The following TRIM35 variants were observed in gnomAD, a reference collection of about 807,000 sequenced individuals.
TRIM35 encodes the protein E3 ubiquitin-protein ligase TRIM35.
In TRIM35, 37 loss-of-function variants were observed where a neutral mutation model predicts 49.1. That is an observed-to-expected ratio of 0.75 (90% confidence interval 0.58 to 0.99). The LOEUF (loss-of-function observed/expected upper bound fraction) is 0.99. TRIM35 is among the 50% of genes least tolerant of loss of function. The pLI is 0.00. For missense variants in TRIM35, 648 were observed against 702.7 expected, an observed-to-expected ratio of 0.92 and a Z score of 0.88; for synonymous variants, 302 against 289.3, an observed-to-expected ratio of 1.04 and a Z score of -0.45.
Position 27,286,304 on chromosome 8 carries a change from T to C in TRIM35, c.*1246A>G. ...GAAATCGCAAGTGGCAGAGCAAGCATGACCAGGCTGAAGTCAGCAGAGACA... is the reference window on the plus strand; with the variant it reads ...GAAATCGCAAGTGGCAGAGCAAGCACGACCAGGCTGAAGTCAGCAGAGACA... On this transcript the variant is annotated 3_prime_UTR_variant, in exon 6 of 6. Coordinates refer to ENST00000305364, the MANE Select transcript of TRIM35 (RefSeq NM_171982.5). 1 of 403,428 alleles carries C rather than the reference T, an allele frequency of 2.5e-6. No individual in the cohort carries two copies. The highest frequency in any genetic ancestry group is 7.1e-5 in the East Asian group (1 of 14,012). 25.0% of individuals were successfully genotyped at this position (403,428 alleles called of 1,614,324 possible).
chr8:27,297,436 G>C (rs987193852), intron 2 of TRIM35, among the ~76,000 whole-genome samples: 7 of 152,192 alleles, frequency 4.6e-5, no homozygotes, highest in Middle Eastern at 3.2e-3. Context: ...CCAGAATGGG[G>C]ACAGAGGGAG....
chr8:27,288,358 T>C (rs1468499586), intron 5 of TRIM35, among the ~76,000 whole-genome samples: 1 of 152,026 alleles, frequency 6.6e-6, no homozygotes, highest in African/African-American at 2.4e-5. Flanking sequence ...AATGGGGTGG[T>C]TGTACACATA....
Position 27,294,130 on chromosome 8 carries a change from T to C in TRIM35, c.712A>G (p.Ile238Val), listed in dbSNP as rs759715669. ...TTCATCTCCATCTGCAGCCGCTCGA[T>C]CTCATGTGCCAGCACCTCCGTCTCC... ...TEETEVLAHEIERLQMEMKED... is the reference protein window; with the variant it reads ...TEETEVLAHEVERLQMEMKED... Residue 238 changes from isoleucine (I) to valine (V), a missense_variant, in exon 3 of 6, where the codon ATC (isoleucine) becomes GTC (valine). Ile to Val is a conservative substitution (Grantham distance 29). Transcript: ENST00000305364. 9 of 1,614,242 alleles carry C rather than the reference T, an allele frequency of 5.6e-6. No homozygotes were observed. Among genetic ancestry groups the C allele is most frequent in the Admixed American group, 1.7e-5 (1 of 60,032 alleles).
At chr8:27,299,096 T>C (rs1802632933) in intron 1 of TRIM35, among the ~76,000 whole-genome samples, 2 of 152,148 alleles carry the variant, frequency 1.3e-5, no homozygotes, top group African/African-American at 4.8e-5. Flanking sequence ...TGCCCCTCCA[T>C]ACCCCTCCTG....
chr8:27,293,623 TG>T (rs1802500123), intron 3 of TRIM35, among the ~76,000 whole-genome samples: 1 of 151,996 alleles, frequency 6.6e-6, no homozygotes, highest in South Asian at 2.1e-4. Flanking sequence ...AAGCATCACT[TG>T]AGGCCAGGGA....
intron 3 of TRIM35, 78 bp from the exon 4 acceptor site, chr8:27,290,256 G>A (rs1045017842): frequency 1.9e-5 from 26 of 1,387,042 alleles, no homozygotes; most frequent in Non-Finnish European, 2.7e-5. Flanking sequence ...CTCAAAAGAA[G>A]TCATGCATTC....
At chr8:27,289,666 C>T (rs1200243056) in intron 4 of TRIM35, among the ~76,000 whole-genome samples, 1 of 152,214 alleles carries the variant, frequency 6.6e-6, no homozygotes, top group East Asian at 1.9e-4. Context: ...TTTGCTTGCA[C>T]ACTGCCAGTG....
chr8:27,293,514 A>G (rs1563439084), intron 3 of TRIM35, among the ~76,000 whole-genome samples: 1 of 152,110 alleles, frequency 6.6e-6, no homozygotes, highest in South Asian at 2.1e-4. Flanking sequence ...CGGAAAAAAA[A>G]TGAGAGTAAG....
chr8:27,292,880 G>C (rs147362990), intron 3 of TRIM35, among the ~76,000 whole-genome samples: 12 of 152,192 alleles, frequency 7.9e-5, no homozygotes, highest in Non-Finnish European at 1.6e-4. Flanking sequence ...AAATAAAAAA[G>C]AGTCACAAAC....
chr8:27,305,257 T>C (rs1231456216), intron 1 of TRIM35, among the ~76,000 whole-genome samples: 1 of 152,198 alleles, frequency 6.6e-6, no homozygotes, highest in Non-Finnish European at 1.5e-5. Flanking sequence ...ACAGTAAAAA[T>C]GCATGGAGCT....
rs773510168 is a variant in TRIM35 at position 27,298,576 on chromosome 8, A to G, written c.436-17T>C. On this transcript the variant is annotated splice_polypyrimidine_tract_variant and intron_variant, in intron 1 of 5. Transcript: ENST00000305364. ...GCACTTGGCCTGACATGGGAATGAGAGAGAGGGAGGAAGACAGGTTAGGGC... is the reference window on the plus strand; with the variant it reads ...GCACTTGGCCTGACATGGGAATGAGGGAGAGGGAGGAAGACAGGTTAGGGC... 1 of 1,611,172 alleles carries G rather than the reference A, an allele frequency of 6.2e-7. No individual in the cohort carries two copies. The highest frequency in any genetic ancestry group is 8.5e-7 in the Non-Finnish European group (1 of 1,177,286).
At chr8:27,290,368 C>G (rs535075921) in intron 3 of TRIM35, among the ~76,000 whole-genome samples, 190 bp from the exon 4 acceptor site, 1 of 152,242 alleles carries the variant, frequency 6.6e-6, no homozygotes, top group East Asian at 1.9e-4. Flanking sequence ...ACTGAATCCC[C>G]AATGCGACAG....
chr8:27,301,343 G>A (rs993343706), intron 1 of TRIM35, among the ~76,000 whole-genome samples: 3 of 152,188 alleles, frequency 2.0e-5, no homozygotes, highest in African/African-American at 7.2e-5. Context: ...GGACACATGG[G>A]AACTCGTTTC....
chr8:27,289,070 G>A, intron 5 of TRIM35, 92 bp downstream of exon 5: 1 of 975,148 alleles, frequency 1.0e-6, no homozygotes, highest in South Asian at 1.5e-5. Context: ...GGAGGTGGGA[G>A]GTGGGCCCGG....
In TRIM35 at chr8:27,287,876, G is replaced by T; in HGVS notation, c.1156C>A (p.His386Asn). ...RQDSGAEGHS[H>N]SCYHDTRSGF... ...GAGCGTGTGTCGTGGTAGCAGCTGT[G>T]TGAGTGGCCCTCAGCGCCCGAGTCC... Residue 386 changes from histidine (H) to asparagine (N), a missense_variant, in exon 6 of 6, where the codon CAC becomes AAC. His to Asn is a moderately conservative substitution (Grantham distance 68). Coordinates refer to ENST00000305364, the MANE Select transcript of TRIM35 (RefSeq NM_171982.5). The surrounding 1 kb of genome is among the most constrained non-coding windows in gnomAD (Gnocchi z 6.0). The T allele has an allele frequency of 1.9e-6, 3 of 1,613,218 alleles. No homozygotes were observed. Among genetic ancestry groups the T allele is most frequent in the Non-Finnish European group, 2.5e-6 (3 of 1,179,852 alleles).
chr8:27,288,225 C>A, intron 5 of TRIM35, 98 bp from the exon 6 acceptor site: 1 of 1,218,616 alleles, frequency 8.2e-7, no homozygotes, highest in Non-Finnish European at 1.1e-6. Context: ...TGTGTCACAC[C>A]TGGCCCCAAG....
rs749562422 is a variant in TRIM35, at chr8:27,285,510, C to T, written c.*2040G>A. 6.6e-6 allele frequency: 1 copy of T among 151,954 alleles called. No homozygotes were observed. Among genetic ancestry groups the T allele is most frequent in the Admixed American group, 6.6e-5 (1 of 15,254 alleles). 9.4% of individuals were successfully genotyped at this position (151,954 alleles called of 1,614,324 possible). On this transcript the variant is annotated 3_prime_UTR_variant, in exon 6 of 6. Transcript: ENST00000305364. Reference sequence around the variant, plus strand: ...TAAAATGTAGTACTACCATTCCATACAATGGAATATTACCCGATGAAAAAA... The same window carrying T: ...TAAAATGTAGTACTACCATTCCATATAATGGAATATTACCCGATGAAAAAA...
At chr8:27,290,102 C>G in intron 4 of TRIM35, 54 bp downstream of exon 4, 1 of 1,611,390 alleles carries the variant, frequency 6.2e-7, no homozygotes, top group Non-Finnish European at 8.5e-7. Flanking sequence ...GAGTTTGCAC[C>G]CCTGGTATTT....
At chr8:27,293,954 G>T in intron 3 of TRIM35, 126 bp downstream of exon 3, 1 of 831,322 alleles carries the variant, frequency 1.2e-6, no homozygotes, top group South Asian at 1.8e-5. Flanking sequence ...TTACTTGTGA[G>T]CTCCTCCAGG....
Sources: allele counts gnomAD v4.1 joint callset (sites outside exome capture counted in the v4.1 genomes callset), GRCh38; gene constraint gnomAD v4.1.1; non-coding constraint Gnocchi (gnomAD v3.1); transcripts MANE v1.5; gene names NCBI Gene and HGNC (gene_info 2026-07-23, HGNC 2026-07-21).